THEMIS: variants seen among roughly 807,000 people sequenced by gnomAD.
The protein encoded by THEMIS is protein THEMIS.
Under a neutral mutation model 52.6 loss-of-function variants are expected in THEMIS, and 37 were observed. That is an observed-to-expected ratio of 0.70 (90% CI 0.54 to 0.93). The LOEUF (loss-of-function observed/expected upper bound fraction) is 0.93. Ranked by LOEUF, THEMIS falls within the 40% of genes least tolerant of loss-of-function variation. The pLI, the probability that THEMIS is intolerant of heterozygous loss-of-function variation, is 0.00. For synonymous variants in THEMIS, 292 were observed against 272.7 expected, an observed-to-expected ratio of 1.07 and a Z score of -0.70; for missense variants, 808 against 763.1, an observed-to-expected ratio of 1.06 and a Z score of -0.69.
intron 4 of THEMIS, among the ~76,000 whole-genome samples, chr6:127,738,902 A>G (rs572536289): frequency 8.6e-4 from 131 of 152,310 alleles, no homozygotes; most frequent in Non-Finnish European, 1.6e-3. Context: ...AGTCCGGTGT[A>G]TTATATTAGT....
chr6:127,868,369 T>C (rs1780049597), intron 1 of THEMIS: 1 of 934,742 alleles, frequency 1.1e-6, no homozygotes, highest in African/African-American at 1.8e-5. Flanking sequence ...TTTCCCTTAA[T>C]AAAAATTGGT....
intron 4 of THEMIS, among the ~76,000 whole-genome samples, chr6:127,764,667 A>G (rs1286568246): frequency 6.6e-6 from 1 of 152,040 alleles, no homozygotes; most frequent in Non-Finnish European, 1.5e-5. Flanking sequence ...ATTGATAACC[A>G]GACTATGGCT....
At chr6:127,849,305 C>T (rs1415502944) in intron 2 of THEMIS, among the ~76,000 whole-genome samples, 1 of 151,882 alleles carries the variant, frequency 6.6e-6, no homozygotes, top group Admixed American at 6.6e-5. Context: ...TGGTACCAGT[C>T]CCATGCTGTT....
At position 127,900,897 on chromosome 6, in the gene THEMIS, A is replaced by G; in HGVS notation, c.36T>C (p.Leu12=). Residue 12 remains leucine, a synonymous_variant, in exon 1 of 6, where the codon CTT becomes CTC. Coordinates refer to ENST00000368248, the MANE Select transcript of THEMIS (RefSeq NM_001010923.3). ...ALSLEEFVHS[L]DLRTLPRVLE... is the part of the protein sequence containing the mutation. The stretch of plus-strand genomic sequence containing the variant: ...GAACCCTGGGTAGGGTCCTGAGGTC[A>G]AGGGAGTGGACGAATTCTTCCAGTG... 1 of 1,613,210 alleles carries G rather than the reference A, an allele frequency of 6.2e-7. No individual in the cohort carries two copies. The highest frequency in any genetic ancestry group is 8.5e-7 in the Non-Finnish European group (1 of 1,179,410).
intron 3 of THEMIS, among the ~76,000 whole-genome samples, chr6:127,818,052 A>C (rs12663768): frequency 0.096 from 14,589 of 152,122 alleles, 775 homozygotes; most frequent in African/African-American, 0.14. Context: ...TTTACCAGAG[A>C]CTAACTATCA....
chr6:127,767,205 C>A (rs1051938983), intron 4 of THEMIS, among the ~76,000 whole-genome samples: 1 of 151,848 alleles, frequency 6.6e-6, no homozygotes, highest in African/African-American at 2.4e-5. Context: ...GATTCTCCTG[C>A]CTCAACCTCC....
intron 1 of THEMIS, among the ~76,000 whole-genome samples, chr6:127,894,782 T>C (rs1008972995): frequency 7.3e-5 from 11 of 151,632 alleles, no homozygotes; most frequent in Non-Finnish European, 1.5e-4. Context: ...AACCTACTTT[T>C]AGAAAATTAT....
At chr6:127,698,316 A>C in the THEMIS span, among the ~76,000 whole-genome samples, 71,322 of 151,904 alleles carry the variant, frequency 0.47, 17,993 homozygotes, top group Non-Finnish European at 0.58. Flanking sequence ...ACTCACCAGA[A>C]TTTTATAACA....
chr6:127,852,106 G>T (rs1320744557), intron 2 of THEMIS, among the ~76,000 whole-genome samples: 2 of 151,424 alleles, frequency 1.3e-5, no homozygotes, highest in Non-Finnish European at 3.0e-5. Flanking sequence ...ACTAATACCA[G>T]ACAAAATAGA....
chr6:127,893,552 GC>G, intron 1 of THEMIS, among the ~76,000 whole-genome samples: 1 of 152,138 alleles, frequency 6.6e-6, no homozygotes, highest in African/African-American at 2.4e-5. Context: ...ACAATTCTGT[GC>G]TTCACATCAA....
intron 4 of THEMIS, among the ~76,000 whole-genome samples, chr6:127,772,337 A>G (rs1400120210): frequency 6.6e-6 from 1 of 152,058 alleles, no homozygotes; most frequent in Non-Finnish European, 1.5e-5. Flanking sequence ...TGGTGAATTA[A>G]AATAAATTTT....
chr6:127,904,443 A>G (rs1424011503), upstream of THEMIS, among the ~76,000 whole-genome samples: 1 of 152,060 alleles, frequency 6.6e-6, no homozygotes, highest in Non-Finnish European at 1.5e-5. Flanking sequence ...GTTGCCTATA[A>G]ATAGAACTAG....
chr6:127,897,075 T>G (rs977438021), intron 1 of THEMIS, among the ~76,000 whole-genome samples: 18 of 151,442 alleles, frequency 1.2e-4, no homozygotes, highest in African/African-American at 4.1e-4. Context: ...AGCTTTTCAA[T>G]AAATGTCACT....
intron 4 of THEMIS, among the ~76,000 whole-genome samples, chr6:127,734,896 AATAT>A (rs1295073194): frequency 7.6e-5 from 5 of 65,448 alleles, no homozygotes; most frequent in African/African-American, 2.7e-4. Context: ...AAAAAAAAAA[AATAT>A]ATATATATAT....
chr6:127,783,539 G>T (rs1776819317), intron 4 of THEMIS, among the ~76,000 whole-genome samples: 1 of 152,036 alleles, frequency 6.6e-6, no homozygotes, highest in South Asian at 2.1e-4. Flanking sequence ...AAATTTACAA[G>T]AAAAATCAAA....
At position 127,786,019 on chromosome 6, in the gene THEMIS, T is replaced by C. The variant is rs140467665; in HGVS notation, c.1758+26864A>G. On this transcript the variant is annotated intron_variant, in intron 4 of 5. Coordinates refer to ENST00000368248, the MANE Select transcript of THEMIS (RefSeq NM_001010923.3). Reference sequence around the variant, plus strand: ...TAGGAGATCTTTTTAGGAAGCAGCTTTATTTATTATTAAAAGTTTGAATAT... The same window carrying C: ...TAGGAGATCTTTTTAGGAAGCAGCTCTATTTATTATTAAAAGTTTGAATAT... 1.4e-4 allele frequency among the ~76,000 whole-genome samples: 22 copies of C among 152,248 alleles called. No homozygotes were observed. In the East Asian group the frequency reaches 4.2e-3, roughly 29 times the overall value.
At chr6:127,750,378 C>T (rs2114332544) in intron 4 of THEMIS, among the ~76,000 whole-genome samples, 1 of 151,686 alleles carries the variant, frequency 6.6e-6, no homozygotes, top group African/African-American at 2.4e-5. Context: ...ACATTACAAG[C>T]ACTGATTTCA....
At chr6:127,804,673 G>C (rs911332127) in intron 4 of THEMIS, among the ~76,000 whole-genome samples, 26 of 152,112 alleles carry the variant, frequency 1.7e-4, no homozygotes, top group African/African-American at 6.3e-4. Context: ...TTTTACCTCA[G>C]GAGAAAAGCT....
chr6:127,719,124 T>C (rs1453585575), intron 5 of THEMIS, among the ~76,000 whole-genome samples: 4 of 151,908 alleles, frequency 2.6e-5, no homozygotes, highest in African/African-American at 9.7e-5. Flanking sequence ...AACTTCTTAT[T>C]TCCCTTGCTA....
Sources: allele counts gnomAD v4.1 joint callset (sites outside exome capture counted in the v4.1 genomes callset), GRCh38; gene constraint gnomAD v4.1.1; transcripts MANE v1.5; gene names NCBI Gene and HGNC (gene_info 2026-07-23, HGNC 2026-07-21).